INPP4B: variants seen among roughly 807,000 people sequenced by gnomAD.
INPP4B encodes the protein inositol polyphosphate 4-phosphatase type II.
Under a neutral mutation model 122.5 loss-of-function variants are expected in INPP4B, and 55 were observed. That is an observed-to-expected ratio of 0.45 (90% CI 0.36 to 0.56). INPP4B has a LOEUF of 0.56. INPP4B is among the 20% of genes least tolerant of loss of function. INPP4B has a pLI of 0.00. For synonymous variants in INPP4B, 403 were observed against 388.7 expected (o/e 1.04, Z -0.43); for missense variants, 1,000 against 1,097.7 (o/e 0.91, Z 1.26).
Position 142,471,755 on chromosome 4 carries a change from C to T in INPP4B, c.-190-9029G>A, listed in dbSNP as rs115677799. 6.9e-3 allele frequency among the ~76,000 whole-genome samples: 948 copies of T among 136,448 alleles called. 14 individuals are homozygous for T. The highest frequency in any genetic ancestry group is 0.023 in the African/African-American group (895 of 38,626). 89.5% of individuals were successfully genotyped at this position (136,448 alleles called of 152,430 possible). A position where few individuals can be genotyped will look rare whatever the true frequency, so the allele number is the denominator to read the frequency against. On this transcript the variant is annotated intron_variant, in intron 2 of 25. Coordinates refer to ENST00000262992, the MANE Select transcript of INPP4B (RefSeq NM_001101669.3). ...GTGTATTTAGCTGGGGTTGGAGCTC[C>T]TGAGCACCCGCAATCCAAGCCTGAG... is the stretch of plus-strand genomic sequence containing the variant.
At chr4:142,373,314 A>T (rs1403229027) in intron 7 of INPP4B, among the ~76,000 whole-genome samples, 1 of 152,106 alleles carries the variant, frequency 6.6e-6, no homozygotes, top group African/African-American at 2.4e-5. Flanking sequence ...AATCTCAAGT[A>T]TTGAGAGAAA....
chr4:142,410,703 G>C (rs144614981), intron 5 of INPP4B, among the ~76,000 whole-genome samples: 27 of 152,182 alleles, frequency 1.8e-4, no homozygotes, highest in African/African-American at 5.8e-4. Context: ...CTCTATTCTA[G>C]CATCTGCAAA....
chr4:142,063,165 A>G (rs74608173), intron 25 of INPP4B, among the ~76,000 whole-genome samples: 1,676 of 152,292 alleles, frequency 0.011, 37 homozygotes, highest in African/African-American at 0.038. Context: ...AGAAGTCAAT[A>G]TCTATGAGGA....
intron 3 of INPP4B, among the ~76,000 whole-genome samples, chr4:142,454,790 C>A (rs1815041229): frequency 6.6e-6 from 1 of 151,960 alleles, no homozygotes; most frequent in Non-Finnish European, 1.5e-5. Context: ...GAATTGAATT[C>A]ATACATGCAA....
At chr4:142,174,074 G>A (rs995248053) in intron 15 of INPP4B, among the ~76,000 whole-genome samples, 4 of 152,080 alleles carry the variant, frequency 2.6e-5, no homozygotes, top group Non-Finnish European at 5.9e-5. Context: ...TCAAGTATAT[G>A]TAATGGCTCA....
intron 5 of INPP4B, among the ~76,000 whole-genome samples, chr4:142,409,846 T>TA (rs1170531455): frequency 1.6e-4 from 24 of 152,338 alleles, no homozygotes; most frequent in African/African-American, 5.8e-4. Flanking sequence ...TCTTGACGCT[T>TA]ACAGCTACTA....
intron 23 of INPP4B, among the ~76,000 whole-genome samples, chr4:142,096,664 G>C (rs1474098890): frequency 6.6e-6 from 1 of 152,006 alleles, no homozygotes; most frequent in Non-Finnish European, 1.5e-5. Context: ...TGCTAAAAAA[G>C]CATTAAAAAC....
chr4:142,475,628 A>G (rs1819669122), intron 2 of INPP4B, among the ~76,000 whole-genome samples: 1 of 152,216 alleles, frequency 6.6e-6, no homozygotes, highest in Non-Finnish European at 1.5e-5. Context: ...AGAAGGTAAA[A>G]TGGCCATTTT....
At chr4:142,398,427 T>A (rs1319519985) in intron 7 of INPP4B, among the ~76,000 whole-genome samples, 18 of 99,802 alleles carry the variant, frequency 1.8e-4, no homozygotes, top group South Asian at 9.8e-4. Context: ...TATATATATA[T>A]ATATATATAT....
chr4:142,216,414 A>C (rs1847280439), intron 12 of INPP4B, among the ~76,000 whole-genome samples: 1 of 152,168 alleles, frequency 6.6e-6, no homozygotes, highest in African/African-American at 2.4e-5. Flanking sequence ...CCCTTTCCTG[A>C]CTACAAAAAT....
chr4:142,423,997 T>G lies in INPP4B; in HGVS notation c.136+5176A>C, dbSNP rs138947621. Among the ~76,000 whole-genome samples the G allele has an allele frequency of 5.3e-3, 810 of 152,114 alleles. 9 individuals are homozygous for G. The highest frequency in any genetic ancestry group is 0.019 in the African/African-American group (770 of 41,534). On this transcript the variant is annotated intron_variant, in intron 5 of 25. Transcript: ENST00000262992. ...GTATAATAAATAATGATTTATTGTGTGTCTTTTTTGTATGTTCTGAATTTG... is the reference window on the plus strand; with the variant it reads ...GTATAATAAATAATGATTTATTGTGGGTCTTTTTTGTATGTTCTGAATTTG...
intron 7 of INPP4B, among the ~76,000 whole-genome samples, chr4:142,347,011 T>C (rs998886315): frequency 5.3e-5 from 8 of 152,070 alleles, no homozygotes; most frequent in African/African-American, 1.9e-4. Context: ...TGAGTAGATA[T>C]AGCCCAGTCC....
intron 16 of INPP4B, among the ~76,000 whole-genome samples, chr4:142,166,847 T>G (rs1822997374): frequency 1.3e-5 from 2 of 151,894 alleles, no homozygotes; most frequent in African/African-American, 4.8e-5. Context: ...AGATACTGTC[T>G]CATGCCAGTC....
chr4:142,548,942 AT>A (rs527804553), intron 2 of INPP4B, among the ~76,000 whole-genome samples: 190 of 152,258 alleles, frequency 1.2e-3, no homozygotes, highest in Middle Eastern at 0.01. Context: ...TAATAAAATT[AT>A]GTCTGTGAGG....
At chr4:142,114,712 G>T (rs1478441012) in intron 21 of INPP4B, among the ~76,000 whole-genome samples, 2 of 151,882 alleles carry the variant, frequency 1.3e-5, no homozygotes, top group Middle Eastern at 3.4e-3. Flanking sequence ...CTAATCTGTG[G>T]CTTGTCTTTT....
chr4:142,036,354 A>G (rs1468456840), intron 25 of INPP4B, among the ~76,000 whole-genome samples: 1 of 152,130 alleles, frequency 6.6e-6, no homozygotes, highest in East Asian at 1.9e-4. Flanking sequence ...ATCAATCATC[A>G]TAGTATAAAT....
intron 5 of INPP4B, among the ~76,000 whole-genome samples, chr4:142,423,370 A>G (rs1222677108): frequency 6.6e-6 from 1 of 152,060 alleles, no homozygotes; most frequent in Non-Finnish European, 1.5e-5. Context: ...ATTTCTATAC[A>G]TTTTTAAATG....
intron 16 of INPP4B, 34 bp downstream of exon 16, chr4:142,173,598 A>C: frequency 1.3e-6 from 2 of 1,574,604 alleles, no homozygotes; most frequent in Admixed American, 1.8e-5. Context: ...TGAGTATTTC[A>C]TTTTCCCAAC....
chr4:142,832,493 T>C (rs1490903786), intron 1 of INPP4B, among the ~76,000 whole-genome samples: 1 of 152,174 alleles, frequency 6.6e-6, no homozygotes, highest in African/African-American at 2.4e-5. Flanking sequence ...ATCCTACAGA[T>C]ACATAAATTG....
Sources: gnomAD v4.1 joint callset for allele counts (sites outside exome capture counted in the v4.1 genomes callset) on GRCh38, gnomAD v4.1.1 for gene constraint, MANE v1.5 for transcripts, NCBI Gene and HGNC (gene_info 2026-07-23, HGNC 2026-07-21) for gene names.